The following REPS2 variants were observed in gnomAD, a reference collection of about 807,000 sequenced individuals.
REPS2 encodes RALBP1 associated Eps domain containing 2, also known as ralBP1-associated Eps domain-containing protein 2.
Under a neutral mutation model 53.6 loss-of-function variants are expected in REPS2, and 23 were observed. The observed-to-expected ratio is 0.43, with a 90% CI of 0.31 to 0.61. The LOEUF is 0.61. Ranked by LOEUF, REPS2 falls within the 20% of genes least tolerant of loss-of-function variation. The pLI is 0.11. For missense variants in REPS2, 446 were observed against 534.9 expected (o/e 0.83, Z 1.64); for synonymous variants, 238 against 218.6 (o/e 1.09, Z -0.78).
chrX:17,133,571 A>G (rs1280807151), intron 14 of REPS2, among the ~76,000 whole-genome samples: 2 of 111,852 alleles, frequency 1.8e-5, no homozygotes, highest in South Asian at 3.8e-4. Flanking sequence ...TTAGCAATAC[A>G]TATGTTCAAT....
At chrX:17,104,264 A>G (rs1159198320) in intron 14 of REPS2, among the ~76,000 whole-genome samples, 1 of 112,077 alleles carries the variant, frequency 8.9e-6, no homozygotes, top group Non-Finnish European at 1.9e-5. Context: ...TCCTCAGAAC[A>G]AAAAGCTGAG....
At chrX:17,065,312 C>A (rs1370047833) in intron 9 of REPS2, among the ~76,000 whole-genome samples, 1 of 112,368 alleles carries the variant, frequency 8.9e-6, no homozygotes, top group African/African-American at 3.2e-5. Context: ...ATTTTAGACA[C>A]CCTAGTGGAA....
chrX:17,189,794 A>G, the REPS2 span, among the ~76,000 whole-genome samples: 105 of 110,977 alleles, frequency 9.5e-4, 1 homozygote, highest in African/African-American at 3.3e-3. Context: ...GTAGAGTAGA[A>G]TTGCATTTCC....
intron 1 of REPS2, among the ~76,000 whole-genome samples, chrX:16,991,307 A>C (rs2061160868): frequency 1.8e-5 from 2 of 110,914 alleles, no homozygotes; most frequent in South Asian, 7.6e-4. Context: ...TCTCTTTTGC[A>C]GTAGAAACTC....
chrX:17,143,670 G>A (rs2063476241), intron 17 of REPS2, among the ~76,000 whole-genome samples: 1 of 106,725 alleles, frequency 9.4e-6, no homozygotes, highest in African/African-American at 3.4e-5. Flanking sequence ...CTTTATTTTT[G>A]TCTATTTCTG....
downstream of REPS2, among the ~76,000 whole-genome samples, chrX:17,157,293 ACT>A (rs2063621371): frequency 9.0e-6 from 1 of 110,692 alleles, no homozygotes; most frequent in South Asian, 3.8e-4. Flanking sequence ...TGCATAGTCT[ACT>A]CTCTCTCAAA....
At chrX:17,066,540 A>G (rs1464026980) in intron 9 of REPS2, among the ~76,000 whole-genome samples, 1 of 112,564 alleles carries the variant, frequency 8.9e-6, no homozygotes, top group African/African-American at 3.2e-5. Context: ...ATGCACTGTT[A>G]TGATACATTG....
At chrX:17,145,905 C>T (rs113694031) in intron 17 of REPS2, among the ~76,000 whole-genome samples, 2 of 111,004 alleles carry the variant, frequency 1.8e-5, no homozygotes, top group Admixed American at 9.5e-5. Context: ...GTCAGGAGAT[C>T]GAGACCATCC....
intron 1 of REPS2, among the ~76,000 whole-genome samples, chrX:16,970,790 G>T (rs2060880784): frequency 8.9e-6 from 1 of 112,324 alleles, no homozygotes; most frequent in African/African-American, 3.2e-5. Flanking sequence ...ATTTGTGATT[G>T]TCTTCTTTCT....
intron 1 of REPS2, among the ~76,000 whole-genome samples, chrX:16,978,957 G>C (rs1330182259): frequency 9.0e-6 from 1 of 111,510 alleles, no homozygotes; most frequent in African/African-American, 3.3e-5. Context: ...GAAACCAAGT[G>C]GCTCCTAGCT....
chrX:17,183,696 T>A, the REPS2 span, among the ~76,000 whole-genome samples: 1 of 112,221 alleles, frequency 8.9e-6, no homozygotes, highest in Non-Finnish European at 1.9e-5. Flanking sequence ...TCCTCCACCC[T>A]GCAGCCAGAG....
the REPS2 span, among the ~76,000 whole-genome samples, chrX:17,185,628 C>T: frequency 9.0e-6 from 1 of 111,726 alleles, no homozygotes; most frequent in African/African-American, 3.3e-5. Flanking sequence ...CACATTAACC[C>T]ACTCTGGAAT....
intron 5 of REPS2, among the ~76,000 whole-genome samples, chrX:17,042,100 A>G (rs993625011): frequency 7.1e-5 from 8 of 112,371 alleles, no homozygotes; most frequent in Non-Finnish European, 1.1e-4. Flanking sequence ...GAGAAACTGT[A>G]TAATGAACCA....
chrX:17,041,869 TG>T (rs2061834803), intron 5 of REPS2, among the ~76,000 whole-genome samples: 1 of 112,431 alleles, frequency 8.9e-6, no homozygotes, highest in South Asian at 3.7e-4. Context: ...TATTTAGCTT[TG>T]TTTGATTTTT....
intron 14 of REPS2, among the ~76,000 whole-genome samples, chrX:17,119,210 G>A (rs751907721): frequency 1.9e-4 from 21 of 112,155 alleles, no homozygotes; most frequent in Non-Finnish European, 3.0e-4. Context: ...TCCTACCTTG[G>A]CTATTTAGCC....
At chrX:16,952,886 G>A (rs2060533081) in intron 1 of REPS2, among the ~76,000 whole-genome samples, 2 of 111,276 alleles carry the variant, frequency 1.8e-5, no homozygotes, top group Admixed American at 1.9e-4. Context: ...AGCACTTTGG[G>A]AGGCCGAGGC....
chrX:16,962,276 T>TACAC (rs61520216), intron 1 of REPS2, among the ~76,000 whole-genome samples: 2,990 of 81,821 alleles, frequency 0.037, 61 homozygotes, highest in East Asian at 0.09. Context: ...TATCGTGGGA[T>TACAC]ACACACACAC....
At chrX:17,131,903 G>GTTT (rs796407460) in intron 14 of REPS2, among the ~76,000 whole-genome samples, 4 of 90,474 alleles carry the variant, frequency 4.4e-5, no homozygotes, top group Non-Finnish European at 8.9e-5. Flanking sequence ...ATTTACTAGA[G>GTTT]TTTTTTTTTT....
intron 13 of REPS2, among the ~76,000 whole-genome samples, chrX:17,095,589 A>G (rs1346936203): frequency 9.3e-6 from 1 of 107,636 alleles, no homozygotes; most frequent in Admixed American, 1.0e-4. Flanking sequence ...TTAAAGAACT[A>G]TTTGTTGATC....
Sources: allele counts gnomAD v4.1 joint callset (sites outside exome capture counted in the v4.1 genomes callset), GRCh38; gene constraint gnomAD v4.1.1; transcripts MANE v1.5; gene names NCBI Gene and HGNC (gene_info 2026-07-23, HGNC 2026-07-21).